The following CDC14A variants were observed in gnomAD, a reference collection of about 807,000 sequenced individuals.
CDC14A encodes the protein cell division cycle 14A.
In CDC14A, 53 loss-of-function variants were observed where a neutral mutation model predicts 74.4. The ratio of observed to expected loss-of-function variants is 0.71; its 90% confidence interval spans 0.57 to 0.89. CDC14A has a LOEUF of 0.89. Among genes scored for constraint, CDC14A ranks in the 40% least tolerant of loss-of-function variants. CDC14A has a pLI of 0.00. For synonymous variants in CDC14A, 247 were observed against 258.4 expected, an observed-to-expected ratio of 0.96 and a Z score of 0.43; for missense variants, 646 against 713.7, an observed-to-expected ratio of 0.91 and a Z score of 1.08.
rs751287692 is a variant in CDC14A at position 100,468,063 on chromosome 1, A to G, written c.946A>G (p.Ile316Val). Residue 316 changes from isoleucine to valine, a missense_variant, in exon 10 of 16, where the codon ATT becomes GTT. Coordinates refer to ENST00000336454, the MANE Select transcript of CDC14A (RefSeq NM_003672.4). ...GATTAGAATATGCCGGCCAGGCTCT[A>G]TTATAGGACCCCAGCAGCACTTCCT... ...AWIRICRPGS[I>V]IGPQQHFLEE... 1.2e-6 allele frequency: 2 copies of G among 1,613,734 alleles called. No homozygotes were observed. The highest frequency in any genetic ancestry group is 1.3e-5 in the African/African-American group (1 of 74,980).
At chr1:100,422,574 T>C (rs1170870853) in intron 4 of CDC14A, among the ~76,000 whole-genome samples, 3 of 152,192 alleles carry the variant, frequency 2.0e-5, no homozygotes, top group Non-Finnish European at 4.4e-5. Context: ...TTGGTTTAAA[T>C]GGAGTTTTGT....
intron 4 of CDC14A, chr1:100,393,904 C>A (rs1658087980): frequency 4.3e-6 from 1 of 233,844 alleles, no homozygotes; most frequent in African/African-American, 2.3e-5. Context: ...GATTGCGCCA[C>A]TGCACTCCAG....
At chr1:100,489,499 A>G (rs1670398205) in intron 11 of CDC14A, among the ~76,000 whole-genome samples, 1 of 151,480 alleles carries the variant, frequency 6.6e-6, no homozygotes, top group African/African-American at 2.4e-5. Context: ...TGTGGACACG[A>G]TTGTGCATAG....
chr1:100,518,195 C>G, intron 15 of CDC14A, 56 bp from the exon 16 acceptor site: 4 of 1,391,868 alleles, frequency 2.9e-6, no homozygotes, highest in East Asian at 4.6e-5. Context: ...GCATGACTTG[C>G]TAGAAGTTTT....
intron 2 of CDC14A, among the ~76,000 whole-genome samples, chr1:100,359,241 A>C (rs114139695): frequency 1.0e-3 from 153 of 152,350 alleles, no homozygotes; most frequent in African/African-American, 3.6e-3. Flanking sequence ...AACTCAATTA[A>C]TCCTCAGAAC....
chr1:100,411,938 A>G (rs1485039150), intron 4 of CDC14A, among the ~76,000 whole-genome samples: 1 of 152,190 alleles, frequency 6.6e-6, no homozygotes, highest in Non-Finnish European at 1.5e-5. Flanking sequence ...GCTGATAAAG[A>G]GGAAGAACAT....
intron 10 of CDC14A, among the ~76,000 whole-genome samples, chr1:100,483,489 C>T (rs1038431756): frequency 1.4e-4 from 21 of 152,054 alleles, no homozygotes; most frequent in African/African-American, 4.3e-4. Flanking sequence ...TTTTTTATGA[C>T]GAACCACAGT....
intron 7 of CDC14A, among the ~76,000 whole-genome samples, chr1:100,454,058 A>G (rs1571230018): frequency 1.3e-5 from 2 of 152,384 alleles, no homozygotes; most frequent in South Asian, 4.1e-4. Context: ...TTAAAAAATG[A>G]CAATTATATT....
intron 4 of CDC14A, chr1:100,423,845 C>T: frequency 5.5e-6 from 1 of 181,212 alleles, no homozygotes; most frequent in African/African-American, 2.3e-5. Context: ...CAAAATTTAC[C>T]AGGCACTGAA....
chr1:100,466,940 T>TGTTTTAGTGGGATG (rs1553190702), intron 9 of CDC14A, among the ~76,000 whole-genome samples: 1 of 151,740 alleles, frequency 6.6e-6, no homozygotes, highest in Non-Finnish European at 1.5e-5. Flanking sequence ...ACAAAATTGT[T>TGTTTTAGTGGGATG]GTTTTAGTGG....
intron 5 of CDC14A, among the ~76,000 whole-genome samples, chr1:100,433,451 T>C (rs1373388102): frequency 6.6e-6 from 1 of 152,190 alleles, no homozygotes; most frequent in Non-Finnish European, 1.5e-5. Context: ...TTATGATCCT[T>C]TCCAACCCAT....
intron 1 of CDC14A, among the ~76,000 whole-genome samples, chr1:100,345,930 A>G (rs918992977): frequency 3.9e-5 from 6 of 152,036 alleles, no homozygotes. Context: ...CCCAGCACTT[A>G]GGGAGGCCGA....
intron 10 of CDC14A, among the ~76,000 whole-genome samples, chr1:100,482,015 AAC>A (rs1669529535): frequency 6.6e-6 from 1 of 152,226 alleles, no homozygotes; most frequent in Admixed American, 6.5e-5. Context: ...ATTGCTTAGC[AAC>A]ACACAAATCA....
intron 5 of CDC14A, among the ~76,000 whole-genome samples, chr1:100,435,999 A>G (rs1168663075): frequency 6.6e-6 from 1 of 152,212 alleles, no homozygotes; most frequent in Non-Finnish European, 1.5e-5. Context: ...TCTGTTGGAA[A>G]GGATCCAGAA....
intron 4 of CDC14A, among the ~76,000 whole-genome samples, chr1:100,408,116 GTCCATGTGTTCT>G (rs1660192698): frequency 2.0e-5 from 3 of 152,080 alleles, no homozygotes; most frequent in Non-Finnish European, 2.9e-5. Context: ...CCCTCTTTGT[GTCCATGTGTTCT>G]CATCGTTTAG....
At chr1:100,347,630 A>G (rs1420375284), upstream of CDC14A, among the ~76,000 whole-genome samples, 8 of 152,192 alleles carry the variant, frequency 5.3e-5, no homozygotes, top group African/African-American at 1.7e-4. Flanking sequence ...TATTACATGT[A>G]TTTTACTAAA....
At chr1:100,507,286 T>C (rs1649323242) in intron 15 of CDC14A, among the ~76,000 whole-genome samples, 1 of 152,346 alleles carries the variant, frequency 6.6e-6, no homozygotes, top group Non-Finnish European at 1.5e-5. Flanking sequence ...GTTTAACAGC[T>C]TCTGTGGTTG....
chr1:100,422,473 T>C (rs1662486176), intron 4 of CDC14A, among the ~76,000 whole-genome samples: 2 of 152,214 alleles, frequency 1.3e-5, no homozygotes, highest in African/African-American at 4.8e-5. Context: ...AATCACTGCA[T>C]TATAACCAAT....
At chr1:100,370,288 G>GTT (rs778173442) in intron 2 of CDC14A, among the ~76,000 whole-genome samples, 20 of 143,164 alleles carry the variant, frequency 1.4e-4, no homozygotes, top group Non-Finnish European at 2.2e-4. Flanking sequence ...CCAGCCTAAA[G>GTT]TTTTTTTTTT....
Sources: gnomAD v4.1 joint callset for allele counts (sites outside exome capture counted in the v4.1 genomes callset) on GRCh38, gnomAD v4.1.1 for gene constraint, MANE v1.5 for transcripts, NCBI Gene and HGNC (gene_info 2026-07-23, HGNC 2026-07-21) for gene names.